The following KLRG1 variants were observed in gnomAD, a reference collection of about 807,000 sequenced individuals.
KLRG1 encodes killer cell lectin-like receptor subfamily G member 1.
Under a neutral mutation model 21.8 loss-of-function variants are expected in KLRG1, and 16 were observed. The observed-to-expected ratio is 0.73, with a 90% CI of 0.50 to 1.11. The LOEUF is 1.11. KLRG1 is among the 50% of genes most tolerant of loss of function. The pLI is 0.00. For missense variants in KLRG1, 173 were observed against 218.3 expected, an observed-to-expected ratio of 0.79 and a Z score of 1.31; for synonymous variants, 69 against 75.9, an observed-to-expected ratio of 0.91 and a Z score of 0.47.
At chr12:9,016,649 G>A in the KLRG1 span, among the ~76,000 whole-genome samples, 1 of 152,260 alleles carries the variant, frequency 6.6e-6, no homozygotes, top group South Asian at 2.1e-4. Flanking sequence ...GTCTTGCTTT[G>A]TTGCCCAGGC....
At chr12:9,030,341 A>G in the KLRG1 span, among the ~76,000 whole-genome samples, 2 of 152,198 alleles carry the variant, frequency 1.3e-5, no homozygotes, top group East Asian at 1.9e-4. Flanking sequence ...TTTCAAGTGT[A>G]TAATTCAGTG....
At chr12:9,048,941 A>G in the KLRG1 span, among the ~76,000 whole-genome samples, 1 of 152,370 alleles carries the variant, frequency 6.6e-6, no homozygotes, top group African/African-American at 2.4e-5. Context: ...AAAATCTTGA[A>G]GGAGTTGAAC....
chr12:9,112,314 G>T, the KLRG1 span: 1 of 1,597,130 alleles, frequency 6.3e-7, no homozygotes, highest in South Asian at 1.1e-5. Context: ...TTTGCCTGGG[G>T]AACATCCAGG....
the KLRG1 span, among the ~76,000 whole-genome samples, chr12:9,133,900 G>A: frequency 6.6e-6 from 1 of 152,166 alleles, no homozygotes; most frequent in Non-Finnish European, 1.5e-5. Flanking sequence ...TCTAAATCTA[G>A]AAGAATCTCA....
chr12:8,998,858 A>G (rs1357333617), intron 3 of KLRG1, among the ~76,000 whole-genome samples: 1 of 152,190 alleles, frequency 6.6e-6, no homozygotes, highest in Non-Finnish European at 1.5e-5. Flanking sequence ...TTGAATTGAC[A>G]TACAGAATGT....
the KLRG1 span, among the ~76,000 whole-genome samples, chr12:9,122,375 C>T: frequency 1.3e-5 from 2 of 152,184 alleles, no homozygotes; most frequent in Non-Finnish European, 2.9e-5. Flanking sequence ...TGGAACTTTC[C>T]AGTGTCAGAA....
At chr12:9,084,810 T>A in the KLRG1 span, among the ~76,000 whole-genome samples, 1 of 151,958 alleles carries the variant, frequency 6.6e-6, no homozygotes, top group Non-Finnish European at 1.5e-5. Context: ...AGGACACACA[T>A]AGACTGAAAG....
chr12:9,208,142 A>G, the KLRG1 span: 12 of 684,528 alleles, frequency 1.8e-5, no homozygotes, highest in Non-Finnish European at 2.1e-5. Context: ...ATAATTTCTT[A>G]TATTTGGAAG....
intron 1 of KLRG1, among the ~76,000 whole-genome samples, chr12:8,982,163 G>A (rs1946764813): frequency 6.6e-6 from 1 of 152,196 alleles, no homozygotes; most frequent in Non-Finnish European, 1.5e-5. Flanking sequence ...GAGATGGAGA[G>A]ATCATGCTGG....
the KLRG1 span, chr12:9,070,370 A>T: frequency 1.4e-6 from 1 of 712,648 alleles, no homozygotes; most frequent in Non-Finnish European, 2.4e-6. Context: ...AGCTGGAAAA[A>T]GGATAAGGCT....
chr12:9,212,937 G>A, the KLRG1 span, among the ~76,000 whole-genome samples: 2 of 152,038 alleles, frequency 1.3e-5, no homozygotes, highest in Non-Finnish European at 2.9e-5. Flanking sequence ...CTACATACAT[G>A]TTAGTAGTCA....
intron 1 of KLRG1, among the ~76,000 whole-genome samples, chr12:8,991,552 A>G (rs189032575): frequency 2.0e-5 from 3 of 152,272 alleles, no homozygotes; most frequent in East Asian, 1.9e-4. Flanking sequence ...GAGGCAAACA[A>G]TGTTATCAGA....
At chr12:9,165,476 G>T in the KLRG1 span, 1 of 1,223,696 alleles carries the variant, frequency 8.2e-7, no homozygotes, top group Non-Finnish European at 1.2e-6. Flanking sequence ...CCACTTAAGG[G>T]TATATGCGAG....
chr12:9,157,989 T>G, the KLRG1 span: 1 of 742,566 alleles, frequency 1.3e-6, no homozygotes, highest in Admixed American at 2.3e-5. Context: ...GTTCTTGCTC[T>G]GTAGCTCAGG....
the KLRG1 span, chr12:9,168,893 C>T: frequency 7.4e-6 from 12 of 1,613,926 alleles, no homozygotes; most frequent in Non-Finnish European, 1.0e-5. Flanking sequence ...TGACCTACTG[C>T]TCCTGCAGAC....
the KLRG1 span, among the ~76,000 whole-genome samples, chr12:9,206,671 A>G: frequency 1.3e-5 from 2 of 152,238 alleles, no homozygotes; most frequent in African/African-American, 4.8e-5. Context: ...CACATTTATC[A>G]CATCAAGGGT....
the KLRG1 span, chr12:9,149,014 G>C: frequency 4.9e-5 from 78 of 1,606,960 alleles, no homozygotes; most frequent in South Asian, 7.9e-4. Context: ...AAAGAAAAAC[G>C]TAAGGAGGTT....
At chr12:9,092,946 C>T in the KLRG1 span, among the ~76,000 whole-genome samples, 2,433 of 152,304 alleles carry the variant, frequency 0.016, 67 homozygotes, top group African/African-American at 0.056. Flanking sequence ...GATCCTGCCA[C>T]TTGTGACAAC....
the KLRG1 span, among the ~76,000 whole-genome samples, chr12:9,023,018 A>T: frequency 6.6e-6 from 1 of 152,324 alleles, no homozygotes; most frequent in East Asian, 1.9e-4. Context: ...ATTCTTTAAA[A>T]CAAATGAGTA....
Sources: allele counts gnomAD v4.1 joint callset (sites outside exome capture counted in the v4.1 genomes callset), GRCh38; gene constraint gnomAD v4.1.1; transcripts MANE v1.5; gene names NCBI Gene and HGNC (gene_info 2026-07-23, HGNC 2026-07-21).